QTMAN: variants seen among roughly 807,000 people sequenced by gnomAD.
The protein encoded by QTMAN is tRNA-queuosine alpha-mannosyltransferase.
At chr2:144,047,593 A>G in the QTMAN span, among the ~76,000 whole-genome samples, 64 of 152,294 alleles carry the variant, frequency 4.2e-4, no homozygotes, top group African/African-American at 1.4e-3. Flanking sequence ...ATGAGAAATC[A>G]AGCAGTCAGA....
chr2:144,026,228 G>A, the QTMAN span, among the ~76,000 whole-genome samples: 1 of 152,118 alleles, frequency 6.6e-6, no homozygotes, highest in Non-Finnish European at 1.5e-5. Context: ...GAGGTCAGGA[G>A]TTTGAGACCA....
chr2:144,000,297 T>C, the QTMAN span, among the ~76,000 whole-genome samples: 1 of 152,074 alleles, frequency 6.6e-6, no homozygotes, highest in African/African-American at 2.4e-5. Flanking sequence ...TCTAGTAAAA[T>C]TCTTTAGAGA....
chr2:144,130,936 C>T, the QTMAN span, among the ~76,000 whole-genome samples: 1 of 151,680 alleles, frequency 6.6e-6, no homozygotes, highest in Non-Finnish European at 1.5e-5. Flanking sequence ...TCTGAGAAGA[C>T]AAAGAGAAGA....
the QTMAN span, among the ~76,000 whole-genome samples, chr2:144,171,725 G>A: frequency 2.6e-5 from 4 of 151,890 alleles, no homozygotes; most frequent in Non-Finnish European, 4.4e-5. Flanking sequence ...GAGCAATAAC[G>A]GAATTCACCA....
chr2:144,012,978 G>A, the QTMAN span, among the ~76,000 whole-genome samples: 3 of 152,020 alleles, frequency 2.0e-5, no homozygotes, highest in Non-Finnish European at 4.4e-5. Context: ...GTTTGGGGGA[G>A]GGAGGAGTAG....
the QTMAN span, among the ~76,000 whole-genome samples, chr2:144,030,572 C>G: frequency 2.6e-5 from 4 of 151,980 alleles, no homozygotes; most frequent in African/African-American, 9.7e-5. Flanking sequence ...ATGATTGTTT[C>G]CTGCTAAAGA....
At chr2:144,055,021 A>G in the QTMAN span, among the ~76,000 whole-genome samples, 1 of 152,156 alleles carries the variant, frequency 6.6e-6, no homozygotes, top group South Asian at 2.1e-4. Context: ...GCTTGAAAGC[A>G]CATCCAACTT....
the QTMAN span, among the ~76,000 whole-genome samples, chr2:144,273,924 A>G: frequency 1.3e-5 from 2 of 152,134 alleles, no homozygotes; most frequent in East Asian, 3.9e-4. Context: ...TCACAAGGTC[A>G]AGAGATCCAG....
chr2:144,147,514 A>G, the QTMAN span, among the ~76,000 whole-genome samples: 5 of 151,818 alleles, frequency 3.3e-5, no homozygotes, highest in Non-Finnish European at 7.4e-5. Flanking sequence ...ATTTTCCTTA[A>G]AAGGGAATAC....
the QTMAN span, among the ~76,000 whole-genome samples, chr2:144,254,282 T>C: frequency 6.6e-6 from 1 of 151,778 alleles, no homozygotes; most frequent in African/African-American, 2.4e-5. Flanking sequence ...ATTAGTTGGG[T>C]GTGGTTGTGG....
the QTMAN span, among the ~76,000 whole-genome samples, chr2:144,021,056 G>A: frequency 2.0e-5 from 3 of 151,780 alleles, no homozygotes; most frequent in African/African-American, 7.2e-5. Flanking sequence ...AGTGAACACC[G>A]AGAAAATAGT....
chr2:144,040,883 CATT>C, the QTMAN span, among the ~76,000 whole-genome samples: 16 of 152,272 alleles, frequency 1.1e-4, no homozygotes, highest in African/African-American at 3.4e-4. Context: ...GATTTATTAT[CATT>C]ATTTTTTCAT....
At chr2:144,095,980 A>G in the QTMAN span, among the ~76,000 whole-genome samples, 6,812 of 152,202 alleles carry the variant, frequency 0.045, 269 homozygotes, top group East Asian at 0.18. Flanking sequence ...GAAATACATA[A>G]AAATCTTATA....
the QTMAN span, among the ~76,000 whole-genome samples, chr2:144,291,226 G>A: frequency 2.0e-5 from 3 of 152,286 alleles, no homozygotes; most frequent in Middle Eastern, 0.01. Context: ...GTTAAAGTCT[G>A]TGAAAATCTC....
chr2:144,119,615 C>A, the QTMAN span, among the ~76,000 whole-genome samples: 1 of 152,188 alleles, frequency 6.6e-6, no homozygotes, highest in South Asian at 2.1e-4. Context: ...GCCAGCCTTG[C>A]CATCTGACTG....
the QTMAN span, among the ~76,000 whole-genome samples, chr2:144,047,354 A>C: frequency 6.6e-6 from 1 of 152,220 alleles, no homozygotes; most frequent in Non-Finnish European, 1.5e-5. Flanking sequence ...TTCTTGGTAG[A>C]GACACGGTAA....
the QTMAN span, among the ~76,000 whole-genome samples, chr2:144,092,152 C>T: frequency 6.0e-5 from 9 of 151,006 alleles, no homozygotes; most frequent in African/African-American, 1.7e-4. Context: ...TGTATACATA[C>T]GTCAACATTT....
chr2:144,104,912 C>A, the QTMAN span, among the ~76,000 whole-genome samples: 1 of 152,192 alleles, frequency 6.6e-6, no homozygotes, highest in Non-Finnish European at 1.5e-5. Flanking sequence ...GACGAAGCTT[C>A]CAGGGGAACG....
chr2:143,997,960 T>C, the QTMAN span, among the ~76,000 whole-genome samples: 1 of 152,030 alleles, frequency 6.6e-6, no homozygotes, highest in Non-Finnish European at 1.5e-5. Flanking sequence ...ATAGGGGAGT[T>C]TGCCGATCAG....
Sources: gnomAD v4.1 joint callset for allele counts (sites outside exome capture counted in the v4.1 genomes callset) on GRCh38, gnomAD v4.1.1 for gene constraint, MANE v1.5 for transcripts, NCBI Gene and HGNC (gene_info 2026-07-23, HGNC 2026-07-21) for gene names.